The following GDA variants were observed in gnomAD, a reference collection of about 807,000 sequenced individuals.
The protein encoded by GDA is guanine deaminase.
Under a neutral mutation model 59.6 loss-of-function variants are expected in GDA, and 18 were observed. The observed-to-expected ratio is 0.30, with a 90% CI of 0.21 to 0.45. GDA has a LOEUF of 0.45. Among genes scored for constraint, GDA ranks in the 20% least tolerant of loss-of-function variants. The pLI, the probability that GDA is intolerant of heterozygous loss-of-function variation, is 1.00. For synonymous variants in GDA, 201 were observed against 201.1 expected (o/e 1.00, Z 0.00); for missense variants, 427 against 552.3 (o/e 0.77, Z 2.27).
chr9:72,198,842 G>A (rs1833543290), intron 2 of GDA, among the ~76,000 whole-genome samples: 1 of 88,360 alleles, frequency 1.1e-5, no homozygotes, highest in African/African-American at 5.2e-5. Context: ...AGCATATATA[G>A]GGGGATATAT....
intron 1 of GDA, among the ~76,000 whole-genome samples, chr9:72,142,060 A>G (rs924167418): frequency 1.3e-5 from 2 of 152,164 alleles, no homozygotes; most frequent in Non-Finnish European, 2.9e-5. Flanking sequence ...AATTTGTCCA[A>G]CTTGAGATAG....
chr9:72,212,063 T>G (rs1026357882), intron 4 of GDA, among the ~76,000 whole-genome samples: 3 of 152,230 alleles, frequency 2.0e-5, no homozygotes, highest in African/African-American at 7.2e-5. Context: ...TTGTCCCATA[T>G]AGCCTCAGCT....
chr9:72,246,384 G>A (rs1290037218), intron 12 of GDA, among the ~76,000 whole-genome samples: 1 of 152,186 alleles, frequency 6.6e-6, no homozygotes, highest in Non-Finnish European at 1.5e-5. Flanking sequence ...CTGACCTCAG[G>A]TAATCCACCT....
chr9:72,240,812 C>T (rs1415283053), intron 10 of GDA, among the ~76,000 whole-genome samples: 1 of 152,296 alleles, frequency 6.6e-6, no homozygotes, highest in East Asian at 1.9e-4. Context: ...AGAATTCTCC[C>T]TTAGAGCTCT....
intron 1 of GDA, among the ~76,000 whole-genome samples, chr9:72,180,219 T>G (rs1258762029): frequency 6.6e-6 from 1 of 152,058 alleles, no homozygotes. Context: ...TTTCCAGGCA[T>G]GGTGGTGGGT....
At chr9:72,229,761 A>C (rs1279282530) in intron 9 of GDA, among the ~76,000 whole-genome samples, 1 of 152,184 alleles carries the variant, frequency 6.6e-6, no homozygotes, top group Non-Finnish European at 1.5e-5. Flanking sequence ...CAAATTACAA[A>C]GATATATGTC....
At chr9:72,166,926 C>T (rs921125378) in intron 1 of GDA, among the ~76,000 whole-genome samples, 1 of 152,072 alleles carries the variant, frequency 6.6e-6, no homozygotes, top group Middle Eastern at 3.2e-3. Flanking sequence ...GCATTGTTCT[C>T]GATTTTTCAT....
chr9:72,138,526 A>G (rs919594456), intron 1 of GDA, among the ~76,000 whole-genome samples: 7 of 152,192 alleles, frequency 4.6e-5, no homozygotes, highest in Admixed American at 1.3e-4. Context: ...ACATCTAACA[A>G]TCATCTATTG....
intron 1 of GDA, among the ~76,000 whole-genome samples, chr9:72,184,927 A>G (rs1831679373): frequency 6.6e-6 from 1 of 152,230 alleles, no homozygotes; most frequent in Non-Finnish European, 1.5e-5. Flanking sequence ...GGCCAAATCC[A>G]GCTCCCTGAC....
intron 1 of GDA, 73 bp from the exon 2 acceptor site, chr9:72,195,427 C>A: frequency 8.1e-5 from 31 of 380,422 alleles, no homozygotes; most frequent in Non-Finnish European, 1.2e-4. Context: ...AGAATATTTA[C>A]ATATTTAATA....
In GDA at chr9:72,251,691, A is replaced by G. The variant is rs1286094520; in HGVS notation, c.*3349A>G. ...CAAGGAGATGTTAGCAATTTCAGAT[A>G]TACTAGCCAGTTTAGGTATGACTTT... On this transcript the variant is annotated 3_prime_UTR_variant, in exon 14 of 14. Coordinates refer to ENST00000358399, the MANE Select transcript of GDA (RefSeq NM_004293.5). The G allele has an allele frequency of 6.6e-6, 1 of 152,036 alleles. No individual in the cohort carries two copies. Among genetic ancestry groups the G allele is most frequent in the Non-Finnish European group, 1.5e-5 (1 of 67,996 alleles). 9.4% of individuals were successfully genotyped at this position (152,036 alleles called of 1,614,324 possible). A position where few individuals can be genotyped will look rare whatever the true frequency, so the allele number is the denominator to read the frequency against.
intron 1 of GDA, among the ~76,000 whole-genome samples, chr9:72,161,002 G>A (rs941538332): frequency 6.6e-6 from 1 of 151,900 alleles, no homozygotes; most frequent in East Asian, 1.9e-4. Flanking sequence ...CGCTTCCCAA[G>A]TTCAAGCAAT....
chr9:72,148,390 AAAAT>A (rs1472291692), upstream of GDA, among the ~76,000 whole-genome samples: 2 of 151,886 alleles, frequency 1.3e-5, no homozygotes, highest in South Asian at 4.1e-4. Flanking sequence ...TAAAAAACAC[AAAAT>A]AAAGAAGAAT....
intron 4 of GDA, among the ~76,000 whole-genome samples, chr9:72,212,481 T>TA (rs898941614): frequency 6.1e-4 from 87 of 143,232 alleles, no homozygotes; most frequent in South Asian, 6.6e-4. Context: ...GACGCCACCT[T>TA]AAAAAAAAAA....
At chr9:72,229,575 A>G (rs1489489259) in intron 9 of GDA, among the ~76,000 whole-genome samples, 1 of 152,128 alleles carries the variant, frequency 6.6e-6, no homozygotes, top group Non-Finnish European at 1.5e-5. Context: ...AGTAATACCC[A>G]AATGCTTATG....
chr9:72,120,547 A>G (rs1825625337), intron 1 of GDA, among the ~76,000 whole-genome samples: 1 of 152,200 alleles, frequency 6.6e-6, no homozygotes, highest in Non-Finnish European at 1.5e-5. Context: ...TGACAATGAA[A>G]TCAGGAGTCG....
At chr9:72,164,190 A>G (rs1229381608) in intron 1 of GDA, among the ~76,000 whole-genome samples, 1 of 152,220 alleles carries the variant, frequency 6.6e-6, no homozygotes, top group Non-Finnish European at 1.5e-5. Context: ...GTAAAGGTTG[A>G]GAAGACAACA....
At chr9:72,244,708 C>A (rs868031775) in intron 11 of GDA, among the ~76,000 whole-genome samples, 15 of 152,070 alleles carry the variant, frequency 9.9e-5, no homozygotes, top group Middle Eastern at 3.4e-3. Flanking sequence ...GAAAATAAAT[C>A]TTGTCAGCTA....
At chr9:72,137,242 CTTTTTT>C (rs143364725) in intron 1 of GDA, among the ~76,000 whole-genome samples, 2 of 84,514 alleles carry the variant, frequency 2.4e-5, no homozygotes, top group African/African-American at 9.3e-5. Flanking sequence ...TTCTTTTTTT[CTTTTTT>C]TTTTTTTTTT....
Sources: allele counts gnomAD v4.1 joint callset (sites outside exome capture counted in the v4.1 genomes callset), GRCh38; gene constraint gnomAD v4.1.1; transcripts MANE v1.5; gene names NCBI Gene and HGNC (gene_info 2026-07-23, HGNC 2026-07-21).